The following PCDHA7 variants were observed in gnomAD, a reference collection of about 807,000 sequenced individuals.
PCDHA7 encodes protocadherin alpha-7.
Under a neutral mutation model 57.2 loss-of-function variants are expected in PCDHA7, and 37 were observed. The ratio of observed to expected loss-of-function variants is 0.65; its 90% CI spans 0.50 to 0.85. The LOEUF is 0.85. Ranked by LOEUF, PCDHA7 falls within the 40% of genes least tolerant of loss-of-function variation. PCDHA7 has a pLI of 0.00. For missense variants in PCDHA7, 1,188 were observed against 1,241.8 expected, an observed-to-expected ratio of 0.96 and a Z score of 0.65; for synonymous variants, 553 against 558.8, an observed-to-expected ratio of 0.99 and a Z score of 0.15.
rs1581023239 is a variant in PCDHA7, at chr5:140,842,959, C to T, written c.2355+6221C>T. Reference sequence around the variant, plus strand: ...GCGACGCGGGCGTGCCGCCTCTGGGCAGCAACGTGACGCTGCAGGTGTTCG... The same window carrying T: ...GCGACGCGGGCGTGCCGCCTCTGGGTAGCAACGTGACGCTGCAGGTGTTCG... On this transcript the variant is annotated intron_variant, in intron 1 of 3. Transcript: ENST00000525929. The T allele has an allele frequency of 1.9e-6, 3 of 1,594,954 alleles. No individual in the cohort carries two copies. The East Asian group carries it at 6.7e-5, about 36-fold the overall frequency.
intron 1 of PCDHA7, among the ~76,000 whole-genome samples, chr5:140,838,881 C>G (rs2150293311): frequency 2.0e-5 from 3 of 151,836 alleles, no homozygotes; most frequent in Non-Finnish European, 4.4e-5. Flanking sequence ...TGCCACTGAA[C>G]TCCAGCCTAG....
chr5:140,993,267 T>C (rs1554253547), intron 3 of PCDHA7, among the ~76,000 whole-genome samples: 1 of 152,166 alleles, frequency 6.6e-6, no homozygotes, highest in Non-Finnish European at 1.5e-5. Context: ...ATTAGCTTCT[T>C]TGGTCTTTTC....
rs147252917 is a variant in PCDHA7 at position 140,835,512 on chromosome 5, C to T, written c.1129C>T (p.Arg377Ter). Residue 377 changes from arginine (R) to a stop codon, truncating the protein, a stop_gained, in exon 1 of 4, where the codon CGA becomes TGA. Coordinates refer to ENST00000525929, the MANE Select transcript of PCDHA7 (RefSeq NM_018910.3). LOFTEE classifies it high-confidence loss of function. ...TVITLISVFD[R>*]DFGVNGQVTC... ...CATCACATTGATTAGCGTGTTTGAC[C>T]GAGATTTTGGAGTCAACGGACAGGT... 259 of 1,613,798 alleles carry T rather than the reference C, an allele frequency of 1.6e-4. 5 individuals carry two copies. Among genetic ancestry groups the T allele is most frequent in the Non-Finnish European group, 2.1e-4 (250 of 1,179,884 alleles).
intron 3 of PCDHA7, among the ~76,000 whole-genome samples, chr5:141,003,899 A>G (rs1288060303): frequency 1.3e-5 from 2 of 152,200 alleles, no homozygotes; most frequent in East Asian, 1.9e-4. Context: ...AGGCCCATTC[A>G]TTTGGGTCTT....
chr5:140,968,855 A>G (rs2096275634), intron 1 of PCDHA7: 2 of 1,614,198 alleles, frequency 1.2e-6, no homozygotes, highest in Non-Finnish European at 1.7e-6. Flanking sequence ...GCATGTTAAG[A>G]GCCCTCGGAC....
chr5:140,855,900 C>G, intron 1 of PCDHA7: 1 of 1,079,358 alleles, frequency 9.3e-7, no homozygotes, highest in Non-Finnish European at 1.3e-6. Flanking sequence ...AGGCATCAGC[C>G]AGTTTCTCAA....
Position 140,855,317 on chromosome 5 carries a change from G to A in PCDHA7, c.2355+18579G>A, listed in dbSNP as rs568738789. Among the ~76,000 whole-genome samples, 68 of 149,944 alleles carry A rather than the reference G, an allele frequency of 4.5e-4. 6 individuals are homozygous for A. Among genetic ancestry groups the A allele is most frequent in the African/African-American group, 1.6e-3 (65 of 40,966 alleles). The stretch of plus-strand genomic sequence containing the variant: ...CCAAAGTTATAAAATTGGAACATGA[G>A]GGAGGGAGAGGTTAAACGATTTTCC... On this transcript the variant is annotated intron_variant, in intron 1 of 3. Transcript: ENST00000525929.
At chr5:140,869,775 C>A (rs2051402857) in intron 1 of PCDHA7, 5 of 1,612,980 alleles carry the variant, frequency 3.1e-6, no homozygotes, top group Non-Finnish European at 4.2e-6. Flanking sequence ...AGCTTACTGG[C>A]ACCGTTCGGC....
In PCDHA7 at chr5:140,852,432, C is replaced by A. The variant is rs185141585; in HGVS notation, c.2355+15694C>A. ...AGCTGGGATTATAGGCACATGCCAC[C>A]GCGCCCAGCTAATTTTTGTATTTTT... On this transcript the variant is annotated intron_variant, in intron 1 of 3. Transcript: ENST00000525929. 4.7e-3 allele frequency: 847 copies of A among 180,880 alleles called. 56 individuals are homozygous for A. Among genetic ancestry groups the A allele is most frequent in the South Asian group, 0.036 (183 of 5,090 alleles). 11.2% of individuals were successfully genotyped at this position (180,880 alleles called of 1,614,324 possible).
rs1415621431 is a variant in PCDHA7, at chr5:140,835,028, C to T, written c.645C>T (p.Thr215=). Residue 215 remains threonine (T), a synonymous_variant, in exon 1 of 4, where the codon ACC becomes ACT. Transcript: ENST00000525929. The stretch of plus-strand genomic sequence containing the variant: ...AGCTTCATTTATTGCTCACGGCCAC[C>T]GATGGAGGCAAACCCGAGCTGACTG... ...TPELHLLLTA[T]DGGKPELTGT... is the part of the protein sequence containing the mutation. 1.7e-5 allele frequency: 22 copies of T among 1,326,496 alleles called. No individual in the cohort carries two copies. The African/African-American group carries it at 3.2e-4, about 19-fold the overall frequency. The allele number at this position is 1,326,496 out of a possible 1,614,324, so 82.2% of individuals were successfully genotyped here.
chr5:140,923,139 A>G (rs1213586565), intron 1 of PCDHA7, among the ~76,000 whole-genome samples: 3 of 152,188 alleles, frequency 2.0e-5, no homozygotes, highest in Non-Finnish European at 2.9e-5. Context: ...TGAAGGTGGA[A>G]TATAAAAAAA....
chr5:140,842,398 A>T, intron 1 of PCDHA7: 1 of 1,611,514 alleles, frequency 6.2e-7, no homozygotes, highest in Admixed American at 1.7e-5. Flanking sequence ...CCTTGCCTGT[A>T]CGTGAAGACG....
intron 1 of PCDHA7, chr5:140,968,319 TCAC>T: frequency 6.2e-7 from 1 of 1,613,996 alleles, no homozygotes; most frequent in East Asian, 2.2e-5. Flanking sequence ...GGGCTGCCAG[TCAC>T]CTCCTATGTC....
In PCDHA7 at chr5:140,835,821, G is replaced by T. The variant is rs375168399; in HGVS notation, c.1438G>T (p.Gly480Trp). The change falls in exon 1 of 4, where the codon GGG becomes TGG. Residue 480 changes from glycine to tryptophan, a missense_variant. This residue lies in a region of PCDHA7 where 892 missense variants were observed against 788.5 expected (regional missense o/e 1.13). Transcript: ENST00000525929. ...CTGCCACATCTTCACTGTGTCGGCG[G>T]GGGACGCGGACGCGCAGAAGAACGC... ...PGCHIFTVSAGDADAQKNALV... is the reference protein window; with the variant it reads ...PGCHIFTVSAWDADAQKNALV... 5 of 1,612,714 alleles carry T rather than the reference G, an allele frequency of 3.1e-6. No individual in the cohort carries two copies. The highest frequency in any genetic ancestry group is 2.2e-5 in the East Asian group (1 of 44,834).
intron 1 of PCDHA7, chr5:140,863,731 A>G (rs1249998987): frequency 1.2e-5 from 3 of 259,294 alleles, no homozygotes; most frequent in Non-Finnish European, 2.3e-5. Context: ...GCGGTAGCTC[A>G]TGCCTATTTG....
chr5:140,842,894 C>T, intron 1 of PCDHA7: 1 of 1,594,372 alleles, frequency 6.3e-7, no homozygotes, highest in Non-Finnish European at 8.6e-7. Flanking sequence ...GCCGCTGGAC[C>T]ACGAGGAGCT....
Position 140,835,448 on chromosome 5 carries a change from GTC to G in PCDHA7, c.1070_1071del (p.Leu357ProfsTer16). On this transcript the variant is annotated frameshift_variant, in exon 1 of 4. Coordinates refer to ENST00000525929, the MANE Select transcript of PCDHA7 (RefSeq NM_018910.3). LOFTEE classifies it high-confidence loss of function. ...CTCCACAGTTGACTCTCACTTCCCT[GTC>G]TCTCCCTATTCCAGAGGACGCCCAA... Reference protein sequence around the residue: ...NAPQLTLTSLSLPIPEDAQPG... With the variant: ...NAPQLTLTSLXLPIPEDAQPG... 6.2e-7 allele frequency: 1 copy of G among 1,613,886 alleles called. No individual in the cohort carries two copies. The highest frequency in any genetic ancestry group is 2.2e-5 in the East Asian group (1 of 44,840).
rs571650734 is a variant in PCDHA7 at position 140,851,052 on chromosome 5, C to T, written c.2355+14314C>T. On this transcript the variant is annotated intron_variant, in intron 1 of 3. Transcript: ENST00000525929. Reference sequence around the variant, plus strand: ...CCCTTAACATTGGAGCCGACTTTGTCTTGACTTCTAGTGAGAATTATAAAC... The same window carrying T: ...CCCTTAACATTGGAGCCGACTTTGTTTTGACTTCTAGTGAGAATTATAAAC... 5 of 1,384,048 alleles carry T rather than the reference C, an allele frequency of 3.6e-6. No individual in the cohort carries two copies. The African/African-American group carries it at 5.9e-5, about 16-fold the overall frequency. The allele number at this position is 1,384,048 out of a possible 1,614,324, so 85.7% of individuals were successfully genotyped here.
At chr5:140,852,796 T>C in intron 1 of PCDHA7, 4 of 976,920 alleles carry the variant, frequency 4.1e-6, no homozygotes, top group Non-Finnish European at 4.9e-6. Context: ...ATGCTACAGA[T>C]GTCATTTGTC....
Sources: allele counts gnomAD v4.1 joint callset (sites outside exome capture counted in the v4.1 genomes callset), GRCh38; gene constraint gnomAD v4.1.1; regional missense constraint gnomAD v4.1.1; transcripts MANE v1.5; gene names NCBI Gene and HGNC (gene_info 2026-07-23, HGNC 2026-07-21).